The following CTNNA3 variants were observed in gnomAD, a reference collection of about 807,000 sequenced individuals.
CTNNA3 encodes the protein catenin alpha-3.
Under a neutral mutation model 95.7 loss-of-function variants are expected in CTNNA3, and 76 were observed. The observed-to-expected ratio is 0.79, with a 90% confidence interval of 0.66 to 0.96. The LOEUF is 0.96. CTNNA3 is among the 40% of genes least tolerant of loss of function. The pLI is 0.00. For missense variants in CTNNA3, 1,191 were observed against 1,089.8 expected, an observed-to-expected ratio of 1.09 and a Z score of -1.31; for synonymous variants, 431 against 374.4, an observed-to-expected ratio of 1.15 and a Z score of -1.74.
intron 13 of CTNNA3, among the ~76,000 whole-genome samples, chr10:66,115,575 T>TAGAC (rs1270858896): frequency 2.8e-4 from 40 of 140,402 alleles, no homozygotes; most frequent in African/African-American, 9.0e-4. Context: ...GATAGACAGA[T>TAGAC]AGATGATAGA....
At chr10:66,697,450 C>T (rs942479961) in intron 9 of CTNNA3, among the ~76,000 whole-genome samples, 2 of 151,372 alleles carry the variant, frequency 1.3e-5, no homozygotes, top group African/African-American at 4.8e-5. Context: ...CACTGATACA[C>T]AAAATATATG....
intron 7 of CTNNA3, among the ~76,000 whole-genome samples, chr10:66,901,942 C>T (rs1845764351): frequency 6.6e-6 from 1 of 152,154 alleles, no homozygotes; most frequent in Admixed American, 6.5e-5. Flanking sequence ...GACTTTAACA[C>T]ACCACTGTCA....
At chr10:67,544,866 A>G (rs1840791928) in intron 3 of CTNNA3, among the ~76,000 whole-genome samples, 1 of 152,190 alleles carries the variant, frequency 6.6e-6, no homozygotes, top group South Asian at 2.1e-4. Context: ...CAGAATTCCC[A>G]ATTTCAAGAC....
At chr10:66,845,020 T>C (rs1423676015) in intron 7 of CTNNA3, among the ~76,000 whole-genome samples, 1 of 152,110 alleles carries the variant, frequency 6.6e-6, no homozygotes, top group Admixed American at 6.5e-5. Flanking sequence ...CCACAAACCA[T>C]GCAAGTCTAA....
chr10:67,316,204 C>A (rs1841045105), intron 5 of CTNNA3, among the ~76,000 whole-genome samples: 1 of 151,958 alleles, frequency 6.6e-6, no homozygotes, highest in Non-Finnish European at 1.5e-5. Context: ...ATACTGTGAT[C>A]CCATTTTCCT....
chr10:66,204,025 A>ACAGACACAT (rs2087602748), intron 13 of CTNNA3, among the ~76,000 whole-genome samples: 2 of 152,136 alleles, frequency 1.3e-5, no homozygotes, highest in South Asian at 2.1e-4. Flanking sequence ...GATCAATTTT[A>ACAGACACAT]CAGACACATT....
At chr10:66,423,528 T>C (rs1013342987) in intron 11 of CTNNA3, among the ~76,000 whole-genome samples, 10 of 152,046 alleles carry the variant, frequency 6.6e-5, no homozygotes, top group Non-Finnish European at 1.2e-4. Flanking sequence ...AAACCACAAA[T>C]GACATCTCGA....
At chr10:66,273,545 C>G (rs761005229) in intron 13 of CTNNA3, among the ~76,000 whole-genome samples, 1 of 152,146 alleles carries the variant, frequency 6.6e-6, no homozygotes, top group Non-Finnish European at 1.5e-5. Flanking sequence ...TGACAGAATA[C>G]AGCTGATGAA....
intron 7 of CTNNA3, 32 bp from the exon 8 acceptor site, chr10:66,775,556 G>GT: frequency 6.8e-7 from 1 of 1,461,552 alleles, no homozygotes. Flanking sequence ...ATAAGCAATG[G>GT]TATCAATTAA....
At chr10:67,523,447 G>C (rs997609462) in intron 4 of CTNNA3, among the ~76,000 whole-genome samples, 7 of 152,080 alleles carry the variant, frequency 4.6e-5, no homozygotes, top group African/African-American at 1.7e-4. Flanking sequence ...AGTAAACTGG[G>C]TTTCAGAAAG....
chr10:67,276,498 G>C (rs1185828105), intron 5 of CTNNA3, among the ~76,000 whole-genome samples: 1 of 152,000 alleles, frequency 6.6e-6, no homozygotes, highest in East Asian at 1.9e-4. Flanking sequence ...CCATCCAAAA[G>C]TACAGCTATT....
Position 66,069,457 on chromosome 10 carries a change from T to G in CTNNA3, c.2010A>C (p.Lys670Asn). 1 of 1,613,192 alleles carries G rather than the reference T, an allele frequency of 6.2e-7. No homozygotes were observed. Among genetic ancestry groups the G allele is most frequent in the Non-Finnish European group, 8.5e-7 (1 of 1,179,644 alleles). ...AKMTQLPEAE[K>N]EKIAEQVADF... The stretch of plus-strand genomic sequence containing the variant: ...CAGCAACTTGCTCAGCAATCTTTTC[T>G]TTTTCTGCCTCAGGCAGTTGAGTCA... The change falls in exon 15 of 18, where the codon AAA (lysine) becomes AAC (asparagine). Residue 670 changes from lysine to asparagine, a missense_variant. Coordinates refer to ENST00000433211, the MANE Select transcript of CTNNA3 (RefSeq NM_013266.4).
chr10:67,742,765 A>G (rs1473866305), intron 1 of CTNNA3, among the ~76,000 whole-genome samples: 1 of 151,144 alleles, frequency 6.6e-6, no homozygotes, highest in East Asian at 1.9e-4. Flanking sequence ...CAAGACTAAT[A>G]AGGAAGAAAA....
At chr10:66,264,347 T>C (rs1306480998) in intron 13 of CTNNA3, among the ~76,000 whole-genome samples, 1 of 151,972 alleles carries the variant, frequency 6.6e-6, no homozygotes, top group Non-Finnish European at 1.5e-5. Flanking sequence ...GCAATTTCAG[T>C]CAATTTTACC....
chr10:66,936,420 C>T (rs553157456), intron 7 of CTNNA3, among the ~76,000 whole-genome samples: 30 of 152,056 alleles, frequency 2.0e-4, no homozygotes, highest in African/African-American at 4.1e-4. Flanking sequence ...TTTAAGCTGA[C>T]ATTCCTTCTA....
At chr10:66,543,971 T>C (rs1841958337) in intron 10 of CTNNA3, among the ~76,000 whole-genome samples, 1 of 140,062 alleles carries the variant, frequency 7.1e-6, no homozygotes, top group South Asian at 2.3e-4. Flanking sequence ...TTCAGCATTT[T>C]TCTTTATTTT....
chr10:67,060,450 T>G (rs930907272), intron 7 of CTNNA3, among the ~76,000 whole-genome samples: 10 of 152,214 alleles, frequency 6.6e-5, no homozygotes, highest in Admixed American at 4.6e-4. Flanking sequence ...CTCAAGTACA[T>G]AAAAGTAAAT....
intron 7 of CTNNA3, among the ~76,000 whole-genome samples, chr10:66,949,704 T>C (rs1848441032): frequency 6.6e-6 from 1 of 152,144 alleles, no homozygotes; most frequent in African/African-American, 2.4e-5. Flanking sequence ...ATGTGAAAAT[T>C]AAAGTCCATT....
At chr10:67,392,823 G>A (rs1013233575) in intron 5 of CTNNA3, among the ~76,000 whole-genome samples, 10 of 151,958 alleles carry the variant, frequency 6.6e-5, no homozygotes, top group East Asian at 1.9e-4. Flanking sequence ...ACCAAACACC[G>A]CATATTCTCA....
Sources: allele counts gnomAD v4.1 joint callset (sites outside exome capture counted in the v4.1 genomes callset), GRCh38; gene constraint gnomAD v4.1.1; transcripts MANE v1.5; gene names NCBI Gene and HGNC (gene_info 2026-07-23, HGNC 2026-07-21).